The following PLXDC2 variants were observed in gnomAD, a reference collection of about 807,000 sequenced individuals.
PLXDC2 encodes plexin domain containing 2, also known as plexin domain-containing protein 2.
Under a neutral mutation model 68.9 loss-of-function variants are expected in PLXDC2, and 40 were observed. That is an observed-to-expected ratio of 0.58 (90% CI 0.45 to 0.76). PLXDC2 has a LOEUF of 0.76. Ranked by LOEUF, PLXDC2 falls within the 30% of genes least tolerant of loss-of-function variation. The pLI is 0.00. For synonymous variants in PLXDC2, 243 were observed against 234.2 expected (o/e 1.04, Z -0.34); for missense variants, 644 against 661.9 (o/e 0.97, Z 0.30).
intron 4 of PLXDC2, among the ~76,000 whole-genome samples, chr10:20,082,045 G>GAAAAAA (rs1439512108): frequency 1.0e-4 from 1 of 9,612 alleles, no homozygotes; most frequent in Non-Finnish European, 1.6e-4. Flanking sequence ...AACTCCATCT[G>GAAAAAA]AAAAAAAAAA....
chr10:20,122,623 C>G (rs1020338473), intron 4 of PLXDC2, among the ~76,000 whole-genome samples: 5 of 152,210 alleles, frequency 3.3e-5, no homozygotes, highest in Non-Finnish European at 7.3e-5. Context: ...GCACTTGTAG[C>G]AAGCTCCTGG....
At chr10:20,003,469 A>G (rs1368733565) in intron 2 of PLXDC2, among the ~76,000 whole-genome samples, 1 of 152,134 alleles carries the variant, frequency 6.6e-6, no homozygotes. Context: ...GTTTCGCTCT[A>G]TCATCCAGGC....
intron 4 of PLXDC2, among the ~76,000 whole-genome samples, chr10:20,129,033 A>G (rs1396844807): frequency 6.6e-6 from 1 of 152,130 alleles, no homozygotes; most frequent in Non-Finnish European, 1.5e-5. Flanking sequence ...CAGTAGTTCC[A>G]CTTTTAATTT....
chr10:20,286,211 C>T lies in PLXDC2; in HGVS notation c.*6392C>T, dbSNP rs944706027. ...TTATTATAGGTTAATTTCCAGCTCACTGTTGACACTGAAAGATTCTGTGTT... is the reference window on the plus strand; with the variant it reads ...TTATTATAGGTTAATTTCCAGCTCATTGTTGACACTGAAAGATTCTGTGTT... On this transcript the variant is annotated 3_prime_UTR_variant, in exon 14 of 14. Coordinates refer to ENST00000377252, the MANE Select transcript of PLXDC2 (RefSeq NM_032812.9). 7.9e-5 allele frequency: 12 copies of T among 152,126 alleles called. No homozygotes were observed. The highest frequency in any genetic ancestry group is 2.2e-4 in the African/African-American group (9 of 41,432). 9.4% of individuals were successfully genotyped at this position (152,126 alleles called of 1,614,324 possible).
At chr10:19,889,547 TA>T (rs1217464984) in intron 1 of PLXDC2, among the ~76,000 whole-genome samples, 2 of 152,214 alleles carry the variant, frequency 1.3e-5, no homozygotes, top group East Asian at 3.9e-4. Context: ...TGACCACAAG[TA>T]TGCTAGGGTT....
At chr10:19,964,695 A>G (rs1016465442) in intron 1 of PLXDC2, among the ~76,000 whole-genome samples, 1 of 151,484 alleles carries the variant, frequency 6.6e-6, no homozygotes, top group Non-Finnish European at 1.5e-5. Context: ...TCTCTGCCCC[A>G]GTAGACAGAG....
intron 1 of PLXDC2, among the ~76,000 whole-genome samples, chr10:19,976,571 A>G (rs1834459674): frequency 6.6e-6 from 1 of 152,068 alleles, no homozygotes; most frequent in Admixed American, 6.6e-5. Context: ...CAGTCTCTTA[A>G]CTATTTTTAG....
chr10:20,009,469 A>C (rs1392468904), intron 2 of PLXDC2, among the ~76,000 whole-genome samples: 1 of 152,090 alleles, frequency 6.6e-6, no homozygotes, highest in East Asian at 1.9e-4. Context: ...AGGGAAGGCA[A>C]AGATTAATCC....
intron 1 of PLXDC2, among the ~76,000 whole-genome samples, chr10:19,874,927 C>G (rs1837606092): frequency 6.6e-6 from 1 of 152,072 alleles, no homozygotes; most frequent in African/African-American, 2.4e-5. Flanking sequence ...TTGTGCAAGG[C>G]TAAGGAATGT....
intron 1 of PLXDC2, among the ~76,000 whole-genome samples, chr10:19,907,437 C>T (rs777622205): frequency 5.3e-5 from 8 of 152,208 alleles, no homozygotes; most frequent in East Asian, 1.9e-4. Flanking sequence ...AGGAACACAG[C>T]GAAGGATAGT....
At chr10:20,149,229 C>CTTTTTTTTTTTTTTTTTTTTTTTT (rs71200986) in intron 6 of PLXDC2, among the ~76,000 whole-genome samples, 1 of 34,938 alleles carries the variant, frequency 2.9e-5, no homozygotes, top group Non-Finnish European at 4.8e-5. Flanking sequence ...TTTTTCTTTT[C>CTTTTTTTTTTTTTTTTTTTTTTTT]TTTTTTTTTT....
At chr10:19,984,931 G>A (rs531375454) in intron 1 of PLXDC2, among the ~76,000 whole-genome samples, 3 of 152,264 alleles carry the variant, frequency 2.0e-5, no homozygotes, top group African/African-American at 7.2e-5. Context: ...AGGAATTTCG[G>A]TTGTATAACA....
At chr10:20,071,557 A>G (rs1361133150) in intron 4 of PLXDC2, among the ~76,000 whole-genome samples, 2 of 152,144 alleles carry the variant, frequency 1.3e-5, no homozygotes, top group African/African-American at 2.4e-5. Context: ...GCTTGCCACC[A>G]TGTAAGACAT....
chr10:20,219,126 A>T (rs1459271547), intron 12 of PLXDC2, 24 bp downstream of exon 12: 1 of 1,590,112 alleles, frequency 6.3e-7, no homozygotes, highest in East Asian at 2.3e-5. Context: ...CTTTTCTTTC[A>T]TAAACATCTT....
In PLXDC2 at chr10:20,282,025, A is replaced by G. The variant is rs1006365881; in HGVS notation, c.*2206A>G. On this transcript the variant is annotated 3_prime_UTR_variant, in exon 14 of 14. Coordinates refer to ENST00000377252, the MANE Select transcript of PLXDC2 (RefSeq NM_032812.9). ...TTATACCCTTCAGCGTTCTATTTTG[A>G]TTCAAAACAATTGATTCAAAACAAT... The G allele has an allele frequency of 6.6e-6, 1 of 152,132 alleles. No individual in the cohort carries two copies. Among genetic ancestry groups the G allele is most frequent in the South Asian group, 2.1e-4 (1 of 4,830 alleles). The allele number at this position is 152,132 out of a possible 1,614,324, so 9.4% of individuals were successfully genotyped here. A position where few individuals can be genotyped will look rare whatever the true frequency, so the allele number is the denominator to read the frequency against.
At chr10:19,840,697 A>G (rs1311840640) in intron 1 of PLXDC2, among the ~76,000 whole-genome samples, 1 of 152,134 alleles carries the variant, frequency 6.6e-6, no homozygotes, top group Non-Finnish European at 1.5e-5. Flanking sequence ...AAAATTATTG[A>G]AAACAAATTA....
chr10:19,963,760 A>G (rs1589559044), intron 1 of PLXDC2, among the ~76,000 whole-genome samples: 1 of 152,194 alleles, frequency 6.6e-6, no homozygotes, highest in East Asian at 1.9e-4. Flanking sequence ...TGGGTGGAGC[A>G]CACCAACATG....
At chr10:20,147,212 G>A (rs185785879) in intron 5 of PLXDC2, among the ~76,000 whole-genome samples, 10 of 152,102 alleles carry the variant, frequency 6.6e-5, no homozygotes, top group African/African-American at 2.2e-4. Context: ...CTTAGTCCAG[G>A]GCCCTTTGAG....
rs183637715 is a variant in PLXDC2 at position 20,003,825 on chromosome 10, T to C, written c.324+1839T>C. Reference sequence around the variant, plus strand: ...TATGAAGACAAAGAAATAGAGAAGCTCTCAGTTACTAAGGAAGTCCTGACC... The same window carrying C: ...TATGAAGACAAAGAAATAGAGAAGCCCTCAGTTACTAAGGAAGTCCTGACC... On this transcript the variant is annotated intron_variant, in intron 2 of 13. Transcript: ENST00000377252. 4.4e-3 allele frequency among the ~76,000 whole-genome samples: 668 copies of C among 152,262 alleles called. 5 individuals are homozygous for C. Among genetic ancestry groups the C allele is most frequent in the African/African-American group, 0.015 (622 of 41,530 alleles).
Sources: gnomAD v4.1 joint callset for allele counts (sites outside exome capture counted in the v4.1 genomes callset) on GRCh38, gnomAD v4.1.1 for gene constraint, MANE v1.5 for transcripts, NCBI Gene and HGNC (gene_info 2026-07-23, HGNC 2026-07-21) for gene names.